Variants in NTM observed in about 807,000 individuals in gnomAD.
NTM encodes the protein neurotrimin.
NTM carries 13 observed loss-of-function variants against 42.1 expected under a neutral mutation model. The observed-to-expected ratio is 0.31, with a 90% CI of 0.20 to 0.49. NTM has a LOEUF of 0.49. Among genes scored for constraint, NTM ranks in the 20% least tolerant of loss-of-function variants. The pLI is 0.99. For missense variants in NTM, 373 were observed against 452.8 expected (o/e 0.82, Z 1.60); for synonymous variants, 187 against 179.2 (o/e 1.04, Z -0.35).
At chr11:131,399,387 AAG>A (rs1944882573) in intron 1 of NTM, among the ~76,000 whole-genome samples, 1 of 152,160 alleles carries the variant, frequency 6.6e-6, no homozygotes, top group African/African-American at 2.4e-5. Context: ...AACCCAAAAG[AAG>A]AGTCTCCAGT....
At chr11:131,685,548 G>A (rs986197262) in intron 1 of NTM, among the ~76,000 whole-genome samples, 12 of 152,196 alleles carry the variant, frequency 7.9e-5, no homozygotes, top group African/African-American at 4.8e-5. Flanking sequence ...GGGCCTTTGT[G>A]CTTTCTACTT....
intron 2 of NTM, among the ~76,000 whole-genome samples, chr11:132,100,026 C>A: frequency 6.6e-6 from 1 of 152,142 alleles, no homozygotes; most frequent in South Asian, 2.1e-4. Flanking sequence ...AGACACTGGA[C>A]TAAAATCGTG....
intron 1 of NTM, among the ~76,000 whole-genome samples, chr11:131,792,717 C>T (rs1030094566): frequency 1.6e-4 from 25 of 152,292 alleles, no homozygotes; most frequent in African/African-American, 4.3e-4. Context: ...CTTTCTGAAA[C>T]GCCACGTGCA....
chr11:131,522,238 G>C (rs1409402123), intron 1 of NTM, among the ~76,000 whole-genome samples: 1 of 151,960 alleles, frequency 6.6e-6, no homozygotes, highest in African/African-American at 2.4e-5. Flanking sequence ...ATTGATTACT[G>C]CAATTACTGG....
intron 1 of NTM, among the ~76,000 whole-genome samples, chr11:131,450,643 T>C (rs530242930): frequency 1.3e-5 from 2 of 152,354 alleles, no homozygotes; most frequent in Admixed American, 1.3e-4. Context: ...CACCGGCTTC[T>C]CAAGGTCAAG....
At chr11:131,755,433 G>A (rs2083202569) in intron 1 of NTM, among the ~76,000 whole-genome samples, 1 of 152,124 alleles carries the variant, frequency 6.6e-6, no homozygotes. Context: ...AAGACATTAA[G>A]ATACAGATGG....
At chr11:131,611,084 A>G (rs151002568) in intron 1 of NTM, among the ~76,000 whole-genome samples, 356 of 152,188 alleles carry the variant, frequency 2.3e-3, no homozygotes, top group African/African-American at 7.9e-3. Flanking sequence ...GGAGGAGGGA[A>G]GCAGTTCAAC....
At chr11:131,898,599 T>C (rs368191814) in intron 1 of NTM, among the ~76,000 whole-genome samples, 2 of 152,210 alleles carry the variant, frequency 1.3e-5, no homozygotes, top group East Asian at 3.9e-4. Context: ...ATACCAAGGA[T>C]ATGACAGTCC....
At chr11:131,658,092 C>T (rs1422212126) in intron 1 of NTM, among the ~76,000 whole-genome samples, 4 of 152,092 alleles carry the variant, frequency 2.6e-5, no homozygotes, top group African/African-American at 7.2e-5. Flanking sequence ...TTTCTATTTC[C>T]CTAACTTTTT....
chr11:132,042,413 A>C (rs986059697), intron 2 of NTM, among the ~76,000 whole-genome samples: 1 of 152,272 alleles, frequency 6.6e-6, no homozygotes, highest in South Asian at 2.1e-4. Flanking sequence ...GAAGAGGAAA[A>C]ATTTGACCAA....
chr11:131,680,595 G>C (rs1239765786), intron 1 of NTM, among the ~76,000 whole-genome samples: 5 of 150,878 alleles, frequency 3.3e-5, no homozygotes, highest in South Asian at 2.1e-4. Flanking sequence ...GTCTGTGTGT[G>C]AGATCATGCC....
chr11:131,373,137 T>G (rs1159875242), intron 1 of NTM, among the ~76,000 whole-genome samples: 1 of 152,194 alleles, frequency 6.6e-6, no homozygotes, highest in Non-Finnish European at 1.5e-5. Context: ...GCCAGTCAGA[T>G]GTGGCAAAGG....
chr11:131,930,771 C>T (rs2058504310), intron 2 of NTM, among the ~76,000 whole-genome samples: 2 of 152,238 alleles, frequency 1.3e-5, no homozygotes, highest in African/African-American at 4.8e-5. Context: ...TTGTTCTTCC[C>T]TCCAAATAGA....
At chr11:131,608,855 A>G (rs527814940) in intron 1 of NTM, among the ~76,000 whole-genome samples, 1 of 152,204 alleles carries the variant, frequency 6.6e-6, no homozygotes, top group African/African-American at 2.4e-5. Context: ...GCTGGATTCA[A>G]TGGTGTCCTA....
chr11:131,915,610 C>T (rs562036516), intron 2 of NTM, among the ~76,000 whole-genome samples: 5 of 152,176 alleles, frequency 3.3e-5, no homozygotes, highest in Middle Eastern at 3.4e-3. Context: ...TGTATTAGTC[C>T]GTTAGGCAGT....
chr11:131,895,259 A>T (rs2052082859), intron 1 of NTM, among the ~76,000 whole-genome samples: 1 of 152,110 alleles, frequency 6.6e-6, no homozygotes, highest in South Asian at 2.1e-4. Flanking sequence ...GCCTCTCTAG[A>T]TCTTTTCCAG....
chr11:131,941,034 G>A (rs2134210494), intron 2 of NTM, among the ~76,000 whole-genome samples: 1 of 152,304 alleles, frequency 6.6e-6, no homozygotes, highest in South Asian at 2.1e-4. Context: ...AGTGCGCATA[G>A]GGCACGTGGA....
At chr11:131,761,489 G>A (rs1591658592) in intron 1 of NTM, among the ~76,000 whole-genome samples, 1 of 152,038 alleles carries the variant, frequency 6.6e-6, no homozygotes, top group Admixed American at 6.5e-5. Flanking sequence ...TGAGGCCTGC[G>A]TGATTGGAAT....
chr11:131,401,860 A>ATATATATATATT (rs1350900091), intron 1 of NTM, among the ~76,000 whole-genome samples: 2 of 107,706 alleles, frequency 1.9e-5, no homozygotes, highest in Non-Finnish European at 3.8e-5. Flanking sequence ...ATATATATAT[A>ATATATATATATT]TTTTAATTTA....
Sources: allele counts gnomAD v4.1 joint callset (sites outside exome capture counted in the v4.1 genomes callset), GRCh38; gene constraint gnomAD v4.1.1; transcripts MANE v1.5; gene names NCBI Gene and HGNC (gene_info 2026-07-23, HGNC 2026-07-21).